THSD7A: variants seen among roughly 807,000 people sequenced by gnomAD.
The protein encoded by THSD7A is thrombospondin type 1 domain containing 7A.
THSD7A carries 96 observed loss-of-function variants against 231.3 expected under a neutral mutation model. That is an observed-to-expected ratio of 0.41 (90% CI 0.35 to 0.49). The LOEUF (loss-of-function observed/expected upper bound fraction) is 0.49, where lower values mean the gene tolerates loss of function less well. Among genes scored for constraint, THSD7A ranks in the 20% least tolerant of loss-of-function variants. The pLI, the probability that THSD7A is intolerant of heterozygous loss-of-function variation, is 0.05. For synonymous variants in THSD7A, 940 were observed against 743.3 expected (o/e 1.26, Z -4.30); for missense variants, 2,290 against 2,070.2 (o/e 1.11, Z -2.06).
At chr7:11,629,483 C>A (rs1325931224) in intron 2 of THSD7A, among the ~76,000 whole-genome samples, 3 of 152,102 alleles carry the variant, frequency 2.0e-5, no homozygotes, top group African/African-American at 7.2e-5. Flanking sequence ...TAAAAGCCTG[C>A]TATTTAGAAG....
At chr7:11,399,188 A>G (rs1282950291) in intron 23 of THSD7A, among the ~76,000 whole-genome samples, 1 of 152,212 alleles carries the variant, frequency 6.6e-6, no homozygotes, top group Non-Finnish European at 1.5e-5. Flanking sequence ...GTTTGTGTGC[A>G]TATGTGAGTA....
chr7:11,417,301 T>A (rs1783993708), intron 17 of THSD7A, 149 bp downstream of exon 17: 3 of 706,522 alleles, frequency 4.2e-6, no homozygotes, highest in Non-Finnish European at 6.9e-6. Flanking sequence ...TAGAATGATG[T>A]GGCAGAGAAG....
intron 1 of THSD7A, among the ~76,000 whole-genome samples, chr7:11,672,834 C>G (rs905381715): frequency 6.6e-6 from 1 of 152,124 alleles, no homozygotes; most frequent in Non-Finnish European, 1.5e-5. Flanking sequence ...ATGCTTCTCT[C>G]ATTTTGAATT....
intron 13 of THSD7A, among the ~76,000 whole-genome samples, chr7:11,437,549 C>T (rs1784672615): frequency 1.3e-5 from 2 of 152,120 alleles, no homozygotes; most frequent in South Asian, 4.1e-4. Flanking sequence ...AAGCAATACT[C>T]GCTCTACCTA....
chr7:11,518,986 T>G (rs1788151025), intron 6 of THSD7A, among the ~76,000 whole-genome samples: 2 of 152,232 alleles, frequency 1.3e-5, no homozygotes, highest in African/African-American at 4.8e-5. Flanking sequence ...GAATTCATTA[T>G]TTGCATCTGT....
At chr7:11,494,950 T>C (rs1787039288) in intron 6 of THSD7A, among the ~76,000 whole-genome samples, 1 of 152,066 alleles carries the variant, frequency 6.6e-6, no homozygotes, top group African/African-American at 2.4e-5. Context: ...TTGGAAATAA[T>C]CAAATGTATG....
At chr7:11,394,191 G>C (rs1476837414) in intron 23 of THSD7A, among the ~76,000 whole-genome samples, 1 of 152,238 alleles carries the variant, frequency 6.6e-6, no homozygotes, top group South Asian at 2.1e-4. Context: ...CTACGAGCCA[G>C]AAGAGATTGG....
At chr7:11,614,604 A>G (rs562336334) in intron 2 of THSD7A, among the ~76,000 whole-genome samples, 42 of 152,376 alleles carry the variant, frequency 2.8e-4, no homozygotes, top group African/African-American at 8.9e-4. Context: ...GCTGAAAGCT[A>G]AAGAAAAATT....
chr7:11,536,255 T>C lies in THSD7A; in HGVS notation c.1822+5164A>G, dbSNP rs577576352. On this transcript the variant is annotated intron_variant, in intron 6 of 27. Coordinates refer to ENST00000423059, the MANE Select transcript of THSD7A (RefSeq NM_015204.3). Reference sequence around the variant, plus strand: ...CAGAAGACACTGTTTAATCGGGTCTTTGGTTCCTTTTAGTTTATACAACAT... The same window carrying C: ...CAGAAGACACTGTTTAATCGGGTCTCTGGTTCCTTTTAGTTTATACAACAT... 3.3e-5 allele frequency among the ~76,000 whole-genome samples: 5 copies of C among 152,274 alleles called. No homozygotes were observed. In the South Asian group the frequency reaches 1.0e-3, roughly 32 times the overall value.
At chr7:11,439,797 A>G (rs1021518941) in intron 13 of THSD7A, among the ~76,000 whole-genome samples, 1 of 152,076 alleles carries the variant, frequency 6.6e-6, no homozygotes, top group African/African-American at 2.4e-5. Flanking sequence ...GAAGCTGTCT[A>G]TAACATAAAA....
chr7:11,790,072 G>C (rs1386910784), intron 1 of THSD7A, among the ~76,000 whole-genome samples: 3 of 151,826 alleles, frequency 2.0e-5, no homozygotes, highest in Admixed American at 6.6e-5. Context: ...ATGTTGTGGA[G>C]ATAAAAAGAC....
chr7:11,374,481 GA>G lies in THSD7A; in HGVS notation c.*1312del, dbSNP rs2115277461. 1 of 152,154 alleles carries G rather than the reference GA, an allele frequency of 6.6e-6. No individual in the cohort carries two copies. Among genetic ancestry groups the G allele is most frequent in the Admixed American group, 6.6e-5 (1 of 15,262 alleles). The allele number at this position is 152,154 out of a possible 1,614,324, so 9.4% of individuals were successfully genotyped here. A position where few individuals can be genotyped will look rare whatever the true frequency, so the allele number is the denominator to read the frequency against. ...TGGATTTTGAAATAACTGCCTGCAA[GA>G]CAGACATTCAATCTGAAACTGGGAA... On this transcript the variant is annotated 3_prime_UTR_variant, in exon 28 of 28. Transcript: ENST00000423059.
At chr7:11,717,370 G>A (rs889148445) in intron 1 of THSD7A, among the ~76,000 whole-genome samples, 1 of 151,502 alleles carries the variant, frequency 6.6e-6, no homozygotes, top group Non-Finnish European at 1.5e-5. Flanking sequence ...AGCACATTTT[G>A]TTTCTCTATC....
chr7:11,596,433 T>C (rs535020397), intron 2 of THSD7A, among the ~76,000 whole-genome samples: 10 of 152,278 alleles, frequency 6.6e-5, no homozygotes, highest in Admixed American at 3.3e-4. Context: ...GGATTCATCC[T>C]GTGGTCGTTT....
At chr7:11,682,302 G>A (rs979871519) in intron 1 of THSD7A, among the ~76,000 whole-genome samples, 7 of 152,010 alleles carry the variant, frequency 4.6e-5, no homozygotes, top group African/African-American at 1.4e-4. Context: ...CTTAGAAGAC[G>A]TAGAATGGCA....
intron 7 of THSD7A, among the ~76,000 whole-genome samples, chr7:11,475,351 G>T (rs1238670985): frequency 6.6e-6 from 1 of 151,960 alleles, no homozygotes; most frequent in Non-Finnish European, 1.5e-5. Context: ...TAGCTGTGGG[G>T]TACTTCAGGA....
chr7:11,549,615 C>T (rs988005588), intron 4 of THSD7A, among the ~76,000 whole-genome samples: 1 of 152,086 alleles, frequency 6.6e-6, no homozygotes, highest in Admixed American at 6.6e-5. Context: ...GGAATGAGAT[C>T]ATGTCTTTGA....
At chr7:11,769,121 CAATATATATATATATATATATA>C (rs1783125647) in intron 1 of THSD7A, among the ~76,000 whole-genome samples, 2 of 55,986 alleles carry the variant, frequency 3.6e-5, no homozygotes, top group Admixed American at 2.6e-4. Context: ...TAATTCCTGG[CAATATATATATATATATATATA>C]TATATATATA....
chr7:11,748,342 C>G (rs1379532769), intron 1 of THSD7A, among the ~76,000 whole-genome samples: 1 of 151,902 alleles, frequency 6.6e-6, no homozygotes, highest in Non-Finnish European at 1.5e-5. Context: ...AAGAAGGTGA[C>G]TCAAACTTAC....
Sources: allele counts gnomAD v4.1 joint callset (sites outside exome capture counted in the v4.1 genomes callset), GRCh38; gene constraint gnomAD v4.1.1; transcripts MANE v1.5; gene names NCBI Gene and HGNC (gene_info 2026-07-23, HGNC 2026-07-21).